The following LRRFIP2 variants were observed in gnomAD, a reference collection of about 807,000 sequenced individuals.
The protein encoded by LRRFIP2 is leucine-rich repeat flightless-interacting protein 2.
LRRFIP2 carries 109 observed loss-of-function variants against 125.9 expected under a neutral mutation model. That is an observed-to-expected ratio of 0.87 (90% CI 0.74 to 1.01). The LOEUF (loss-of-function observed/expected upper bound fraction) is 1.01, where lower values mean the gene tolerates loss of function less well. Among genes scored for constraint, LRRFIP2 ranks in the 50% least tolerant of loss-of-function variants. The pLI, the probability that LRRFIP2 is intolerant of heterozygous loss-of-function variation, is 0.00. For missense variants in LRRFIP2, 850 were observed against 862.3 expected, an observed-to-expected ratio of 0.99 and a Z score of 0.18; for synonymous variants, 291 against 293.1, an observed-to-expected ratio of 0.99 and a Z score of 0.07.
chr3:37,095,166 G>T (rs901052994), intron 16 of LRRFIP2, among the ~76,000 whole-genome samples: 2 of 152,060 alleles, frequency 1.3e-5, no homozygotes, highest in Non-Finnish European at 2.9e-5. Context: ...AAAGAAAATC[G>T]TTTTTATGAG....
intron 2 of LRRFIP2, among the ~76,000 whole-genome samples, chr3:37,144,733 A>G (rs2095813170): frequency 1.3e-5 from 2 of 152,250 alleles, no homozygotes; most frequent in South Asian, 4.1e-4. Context: ...ATAATTTGAC[A>G]GAAATGCACT....
At position 37,057,151 on chromosome 3, in the gene LRRFIP2, T is replaced by A. The variant is rs571823418; in HGVS notation, c.1870+1639A>T. 7.2e-4 allele frequency among the ~76,000 whole-genome samples: 110 copies of A among 152,274 alleles called. 1 individual carries two copies. Among genetic ancestry groups the A allele is most frequent in the East Asian group, 3.9e-4 (2 of 5,180 alleles). ...GTTCTACACCTCCTGCCTGGGTACT[T>A]TACCTTCTGCAAATACCAGCTATAC... is the stretch of plus-strand genomic sequence containing the variant. On this transcript the variant is annotated intron_variant, in intron 25 of 27. Transcript: ENST00000336686.
Position 37,058,853 on chromosome 3 carries a change from C to G in LRRFIP2, c.1807G>C (p.Gly603Arg). 6.2e-7 allele frequency: 1 copy of G among 1,614,056 alleles called. No individual in the cohort carries two copies. Among genetic ancestry groups the G allele is most frequent in the Non-Finnish European group, 8.5e-7 (1 of 1,179,958 alleles). Reference sequence around the variant, plus strand: ...AGTCCTGCCAGGTCACCCACTGTGCCATCATTCCTGGAGCATTTCTGTCGT... The same window carrying G: ...AGTCCTGCCAGGTCACCCACTGTGCGATCATTCCTGGAGCATTTCTGTCGT... Reference protein sequence around the residue: ...EERQKCSRNDGTVGDLAGLQN... With the variant: ...EERQKCSRNDRTVGDLAGLQN... The change falls in exon 25 of 28, where the codon GGC becomes CGC. Residue 603 changes from glycine (G) to arginine (R), a missense_variant. Gly to Arg is a moderately radical substitution (Grantham distance 125). Transcript: ENST00000336686.
chr3:37,105,892 C>G (rs929220778), intron 13 of LRRFIP2, among the ~76,000 whole-genome samples: 1 of 152,106 alleles, frequency 6.6e-6, no homozygotes, highest in Non-Finnish European at 1.5e-5. Context: ...TGGTGAAACC[C>G]CGTCTCTACT....
chr3:37,138,919 T>A (rs1388776150), intron 2 of LRRFIP2, among the ~76,000 whole-genome samples: 1 of 152,252 alleles, frequency 6.6e-6, no homozygotes, highest in African/African-American at 2.4e-5. Flanking sequence ...ATATCCAAAC[T>A]GCCAGAGTCA....
At chr3:37,150,260 C>T (rs989012991) in intron 1 of LRRFIP2, among the ~76,000 whole-genome samples, 3 of 152,076 alleles carry the variant, frequency 2.0e-5, no homozygotes, top group Non-Finnish European at 4.4e-5. Flanking sequence ...ATCAGGAGTT[C>T]AAGACCAGCC....
At position 37,150,018 on chromosome 3, in the gene LRRFIP2, AAC is replaced by A. The variant is rs2095974550; in HGVS notation, c.-55-982_-55-981del. Among the ~76,000 whole-genome samples the A allele has an allele frequency of 4.6e-5, 7 of 151,586 alleles. No homozygotes were observed. In the South Asian group the frequency reaches 1.5e-3, roughly 31 times the overall value. Reference sequence around the variant, plus strand: ...TCCACCTCAAAAAAAAACAAAAACAAACAGACAAAAAAAACCCACAACCATAT... The same window carrying A: ...TCCACCTCAAAAAAAAACAAAAACAAAGACAAAAAAAACCCACAACCATAT... On this transcript the variant is annotated intron_variant, in intron 1 of 27. Coordinates refer to ENST00000336686, the MANE Select transcript of LRRFIP2 (RefSeq NM_006309.4).
intron 1 of LRRFIP2, among the ~76,000 whole-genome samples, chr3:37,165,855 A>G (rs867704977): frequency 4.5e-5 from 6 of 132,040 alleles, no homozygotes; most frequent in Admixed American, 7.3e-5. Flanking sequence ...GAAAGAAAGA[A>G]AGAGAAAGAA....
chr3:37,172,343 C>T (rs1209781268), intron 1 of LRRFIP2, among the ~76,000 whole-genome samples: 4 of 152,106 alleles, frequency 2.6e-5, no homozygotes, highest in Non-Finnish European at 4.4e-5. Flanking sequence ...GCAAGGCATG[C>T]GGTCTTTTTT....
intron 26 of LRRFIP2, 62 bp from the exon 27 acceptor site, chr3:37,054,577 C>G: frequency 1.8e-6 from 2 of 1,092,142 alleles, no homozygotes; most frequent in Non-Finnish European, 2.7e-6. Context: ...TTTTTGGTAG[C>G]CAGGATGGAA....
intron 1 of LRRFIP2, among the ~76,000 whole-genome samples, chr3:37,152,679 G>A (rs894007586): frequency 1.3e-5 from 2 of 152,134 alleles, no homozygotes; most frequent in African/African-American, 4.8e-5. Flanking sequence ...CTGACCTCAG[G>A]TGATCCGCCC....
At chr3:37,155,514 A>C (rs1031365968) in intron 1 of LRRFIP2, among the ~76,000 whole-genome samples, 1 of 152,246 alleles carries the variant, frequency 6.6e-6, no homozygotes, top group African/African-American at 2.4e-5. Flanking sequence ...AGAAATTTTT[A>C]AGGTACTTTG....
At chr3:37,157,359 C>G (rs1471497321) in intron 1 of LRRFIP2, among the ~76,000 whole-genome samples, 1 of 152,106 alleles carries the variant, frequency 6.6e-6, no homozygotes, top group Non-Finnish European at 1.5e-5. Context: ...GGAAGGATTG[C>G]TTGAACCCAG....
intron 1 of LRRFIP2, among the ~76,000 whole-genome samples, chr3:37,155,106 C>A (rs1380756263): frequency 1.3e-5 from 2 of 152,224 alleles, no homozygotes; most frequent in African/African-American, 4.8e-5. Context: ...CCAAGTTCAA[C>A]TGATTGCACT....
At chr3:37,056,497 A>G (rs1350672725) in intron 25 of LRRFIP2, among the ~76,000 whole-genome samples, 1 of 150,296 alleles carries the variant, frequency 6.7e-6, no homozygotes, top group Non-Finnish European at 1.5e-5. Flanking sequence ...TCTGTCGCCC[A>G]GGCTAGAGTG....
intron 20 of LRRFIP2, among the ~76,000 whole-genome samples, chr3:37,073,634 T>A (rs2091618626): frequency 1.3e-5 from 2 of 152,162 alleles, no homozygotes; most frequent in East Asian, 3.8e-4. Context: ...TAAAAGATGT[T>A]CATTCTAGAT....
At chr3:37,135,276 T>C (rs1264867137) in intron 2 of LRRFIP2, among the ~76,000 whole-genome samples, 1 of 151,760 alleles carries the variant, frequency 6.6e-6, no homozygotes, top group Non-Finnish European at 1.5e-5. Flanking sequence ...CTGGCCAATA[T>C]GGTGAAATCC....
intron 18 of LRRFIP2, among the ~76,000 whole-genome samples, chr3:37,087,592 CT>C (rs764949237): frequency 1.9e-3 from 278 of 144,732 alleles, no homozygotes; most frequent in Admixed American, 2.1e-3. Flanking sequence ...TTAAATGCTT[CT>C]TTTTTTTTTT....
chr3:37,114,452 A>G (rs2094685529), intron 7 of LRRFIP2, among the ~76,000 whole-genome samples: 1 of 152,128 alleles, frequency 6.6e-6, no homozygotes, highest in African/African-American at 2.4e-5. Flanking sequence ...GACAATGAGT[A>G]TATGTTAGGT....
Sources: allele counts gnomAD v4.1 joint callset (sites outside exome capture counted in the v4.1 genomes callset), GRCh38; gene constraint gnomAD v4.1.1; transcripts MANE v1.5; gene names NCBI Gene and HGNC (gene_info 2026-07-23, HGNC 2026-07-21).